CLNK: variants seen among roughly 807,000 people sequenced by gnomAD.
CLNK encodes cytokine-dependent hematopoietic cell linker.
In CLNK, 74 loss-of-function variants were observed where a neutral mutation model predicts 68.6. The ratio of observed to expected loss-of-function variants is 1.08; its 90% CI spans 0.89 to 1.31. The LOEUF is 1.31. Among genes scored for constraint, CLNK ranks in the 50% most tolerant of loss-of-function variants. The pLI is 0.00. For missense variants in CLNK, 553 were observed against 515.3 expected (o/e 1.07, Z -0.71); for synonymous variants, 198 against 172.2 (o/e 1.15, Z -1.17).
the CLNK span, among the ~76,000 whole-genome samples, chr4:10,710,111 AG>A: frequency 6.6e-6 from 1 of 152,222 alleles, no homozygotes; most frequent in Non-Finnish European, 1.5e-5. Flanking sequence ...TGTAAGGGAA[AG>A]GGGGTTCTGT....
the CLNK span, among the ~76,000 whole-genome samples, chr4:10,732,250 T>C: frequency 6.6e-6 from 1 of 152,230 alleles, no homozygotes; most frequent in Non-Finnish European, 1.5e-5. Flanking sequence ...AATTTAACAG[T>C]CAGTCTTTGT....
chr4:10,714,019 C>T, the CLNK span, among the ~76,000 whole-genome samples: 1 of 152,184 alleles, frequency 6.6e-6, no homozygotes, highest in South Asian at 2.1e-4. Context: ...TCCTGTCATT[C>T]TCTCCTTTCC....
rs1447610817 is a variant in CLNK at position 10,636,108 on chromosome 4, C to T, written c.11+31751G>A. Among the ~76,000 whole-genome samples, 5 of 152,232 alleles carry T rather than the reference C, an allele frequency of 3.3e-5. No individual in the cohort carries two copies. The East Asian group carries it at 9.7e-4, about 29-fold the overall frequency. On this transcript the variant is annotated intron_variant, in intron 2 of 18. Coordinates refer to ENST00000226951, the MANE Select transcript of CLNK (RefSeq NM_052964.4). ...GCTGGGTAGACTTACAAAACACTGT[C>T]AAGATTGAGTGGTGTCTTCCAAAAA...
intron 18 of CLNK, among the ~76,000 whole-genome samples, chr4:10,495,767 A>G (rs1027565694): frequency 1.3e-5 from 2 of 152,164 alleles, no homozygotes; most frequent in African/African-American, 4.8e-5. Context: ...TTGATGAGAG[A>G]AGAGGAGAAG....
chr4:10,545,650 C>A (rs1719197890), intron 8 of CLNK, among the ~76,000 whole-genome samples: 1 of 152,106 alleles, frequency 6.6e-6, no homozygotes, highest in Non-Finnish European at 1.5e-5. Context: ...GGTGGGGACT[C>A]CATTAGCTTC....
chr4:10,700,978 T>G, the CLNK span, among the ~76,000 whole-genome samples: 1 of 152,180 alleles, frequency 6.6e-6, no homozygotes, highest in Non-Finnish European at 1.5e-5. Context: ...TTGTTACGAC[T>G]AAATTGCTGG....
chr4:10,601,754 C>T (rs1489697066), intron 2 of CLNK, among the ~76,000 whole-genome samples: 1 of 152,168 alleles, frequency 6.6e-6, no homozygotes, highest in Non-Finnish European at 1.5e-5. Context: ...CATTTGGGGC[C>T]AGCTGCCTTT....
chr4:10,702,366 C>G, the CLNK span, among the ~76,000 whole-genome samples: 1 of 151,838 alleles, frequency 6.6e-6, no homozygotes, highest in Non-Finnish European at 1.5e-5. Flanking sequence ...GTGCTGAGGA[C>G]TATGGCCAGT....
intron 7 of CLNK, 27 bp downstream of exon 7, chr4:10,564,644 G>A (rs1720030372): frequency 1.4e-6 from 2 of 1,469,984 alleles, no homozygotes; most frequent in Non-Finnish European, 1.9e-6. Context: ...ACACATGTTT[G>A]TGTCACAATG....
intron 4 of CLNK, among the ~76,000 whole-genome samples, chr4:10,580,785 A>C (rs1455593847): frequency 4.6e-5 from 7 of 152,214 alleles, no homozygotes; most frequent in African/African-American, 1.7e-4. Context: ...AAAGTCAGAA[A>C]ACTTTAAACA....
rs529351672 is a variant in CLNK, at chr4:10,510,741, G to A, written c.907-2705C>T. Among the ~76,000 whole-genome samples the A allele has an allele frequency of 5.3e-5, 8 of 152,286 alleles. No homozygotes were observed. In the South Asian group the frequency reaches 1.5e-3, roughly 28 times the overall value. ...GTCTCCACAAGGCCTTATCTTCACC[G>A]ATAATAAGCCCTCTATCTATCAGTG... is the stretch of plus-strand genomic sequence containing the variant. On this transcript the variant is annotated intron_variant, in intron 16 of 18. Coordinates refer to ENST00000226951, the MANE Select transcript of CLNK (RefSeq NM_052964.4).
intron 2 of CLNK, among the ~76,000 whole-genome samples, 176 bp from the exon 3 acceptor site, chr4:10,598,225 A>C (rs2108845580): frequency 6.6e-6 from 1 of 152,344 alleles, no homozygotes; most frequent in South Asian, 2.1e-4. Flanking sequence ...ATTTGTGTTT[A>C]AAGTAATCCA....
intron 2 of CLNK, among the ~76,000 whole-genome samples, chr4:10,608,322 C>G (rs1345030460): frequency 6.6e-6 from 1 of 152,226 alleles, no homozygotes; most frequent in African/African-American, 2.4e-5. Context: ...ATGCAGTCTC[C>G]TCGGCCTGCT....
chr4:10,606,040 T>G (rs1721775499), intron 2 of CLNK, among the ~76,000 whole-genome samples: 1 of 152,058 alleles, frequency 6.6e-6, no homozygotes, highest in Admixed American at 6.6e-5. Flanking sequence ...ATTCTTTTCT[T>G]TAAACTTAGC....
At chr4:10,709,373 T>C in the CLNK span, among the ~76,000 whole-genome samples, 1 of 152,218 alleles carries the variant, frequency 6.6e-6, no homozygotes, top group Non-Finnish European at 1.5e-5. Context: ...AGCACTGCCA[T>C]GTGAGGTTGG....
intron 2 of CLNK, among the ~76,000 whole-genome samples, chr4:10,606,322 A>T (rs569837898): frequency 6.6e-6 from 1 of 152,266 alleles, no homozygotes; most frequent in African/African-American, 2.4e-5. Flanking sequence ...GTCCCACTGG[A>T]AGGTCGTCAG....
intron 15 of CLNK, chr4:10,517,502 A>G (rs1017722561): frequency 2.0e-5 from 3 of 152,232 alleles, no homozygotes; most frequent in Non-Finnish European, 2.9e-5. Flanking sequence ...TATACCAGGA[A>G]GATCCTAACC....
At chr4:10,576,870 TCA>T (rs1720588840) in intron 4 of CLNK, among the ~76,000 whole-genome samples, 1 of 152,308 alleles carries the variant, frequency 6.6e-6, no homozygotes, top group East Asian at 1.9e-4. Flanking sequence ...ATAGAGACTC[TCA>T]GATTATTTTC....
intron 1 of CLNK, among the ~76,000 whole-genome samples, chr4:10,672,110 C>G (rs749570379): frequency 6.6e-6 from 1 of 152,158 alleles, no homozygotes; most frequent in Non-Finnish European, 1.5e-5. Context: ...AAGTTCCTGC[C>G]TAACAATCAA....
Sources: gnomAD v4.1 joint callset for allele counts (sites outside exome capture counted in the v4.1 genomes callset) on GRCh38, gnomAD v4.1.1 for gene constraint, MANE v1.5 for transcripts, NCBI Gene and HGNC (gene_info 2026-07-23, HGNC 2026-07-21) for gene names.